The following NAV3 variants were observed in gnomAD, a reference collection of about 807,000 sequenced individuals.
NAV3 encodes pore membrane and/or filament interacting like protein 1.
Under a neutral mutation model 244.7 loss-of-function variants are expected in NAV3, and 87 were observed. The observed-to-expected ratio is 0.36, with a 90% CI of 0.30 to 0.42. The LOEUF is 0.42. Ranked by LOEUF, NAV3 falls within the 20% of genes least tolerant of loss-of-function variation. NAV3 has a pLI of 1.00. For missense variants in NAV3, 2,663 were observed against 2,893.3 expected (o/e 0.92, Z 1.83); for synonymous variants, 1,126 against 1,042.2 (o/e 1.08, Z -1.55).
intron 1 of NAV3, among the ~76,000 whole-genome samples, chr12:77,857,801 T>C (rs1878619208): frequency 6.6e-6 from 1 of 151,910 alleles, no homozygotes; most frequent in African/African-American, 2.4e-5. Flanking sequence ...ATTATACAGA[T>C]TAAAATGGGT....
intron 3 of NAV3, among the ~76,000 whole-genome samples, chr12:77,942,952 G>A (rs11107504): frequency 0.11 from 17,218 of 152,158 alleles, 1,312 homozygotes; most frequent in South Asian, 0.16. Context: ...TTACCATGAG[G>A]AGGTGTTGAA....
At chr12:78,154,952 A>C (rs978376262) in intron 22 of NAV3, among the ~76,000 whole-genome samples, 13 of 152,040 alleles carry the variant, frequency 8.6e-5, no homozygotes, top group Non-Finnish European at 1.5e-4. Context: ...GCCTCTCATA[A>C]CTTCTAAAGT....
chr12:77,956,358 T>C (rs1279082936), intron 3 of NAV3, among the ~76,000 whole-genome samples: 1 of 152,136 alleles, frequency 6.6e-6, no homozygotes, highest in African/African-American at 2.4e-5. Flanking sequence ...ATATCCAAAG[T>C]TAGGATTGGT....
intron 2 of NAV3, among the ~76,000 whole-genome samples, chr12:77,581,222 T>C (rs1485856734): frequency 2.0e-5 from 3 of 152,210 alleles, no homozygotes. Context: ...CCCACATCTA[T>C]TGCTTTTTTT....
chr12:78,142,904 G>A (rs1011065994), intron 20 of NAV3, among the ~76,000 whole-genome samples: 1 of 151,894 alleles, frequency 6.6e-6, no homozygotes, highest in Admixed American at 6.6e-5. Context: ...AAAGTAAACT[G>A]TAGTAAAATA....
chr12:77,894,276 TA>T (rs1884306953), intron 1 of NAV3, among the ~76,000 whole-genome samples: 1 of 151,962 alleles, frequency 6.6e-6, no homozygotes. Flanking sequence ...ATCCCCAAAA[TA>T]AGATTACAAA....
chr12:78,040,218 A>G (rs1566048924), intron 9 of NAV3, among the ~76,000 whole-genome samples: 1 of 152,058 alleles, frequency 6.6e-6, no homozygotes, highest in Non-Finnish European at 1.5e-5. Flanking sequence ...ACTGCAATAA[A>G]TTTTCTTTGG....
At chr12:77,982,611 C>T (rs1869777872) in intron 5 of NAV3, among the ~76,000 whole-genome samples, 1 of 152,162 alleles carries the variant, frequency 6.6e-6, no homozygotes, top group Non-Finnish European at 1.5e-5. Context: ...TCTATTGCTG[C>T]TTTACAAAAG....
At chr12:77,717,789 C>G (rs1183082487) in intron 2 of NAV3, among the ~76,000 whole-genome samples, 1 of 151,754 alleles carries the variant, frequency 6.6e-6, no homozygotes, top group East Asian at 1.9e-4. Context: ...TAACACCTAC[C>G]CAAACAAGTG....
intron 12 of NAV3, among the ~76,000 whole-genome samples, chr12:78,067,403 C>T (rs952259693): frequency 7.2e-5 from 11 of 152,028 alleles, no homozygotes; most frequent in South Asian, 2.1e-4. Context: ...ATAATAGGGA[C>T]GTGGAAAAAC....
At chr12:78,079,759 G>A (rs1953252018) in intron 12 of NAV3, among the ~76,000 whole-genome samples, 1 of 152,156 alleles carries the variant, frequency 6.6e-6, no homozygotes, top group African/African-American at 2.4e-5. Context: ...CATCTCCAAA[G>A]AGAACACTGT....
rs1565971232 is a variant in NAV3, at chr12:77,968,718, A to AG, written c.671+19dup. On this transcript the variant is annotated intron_variant, in intron 5 of 39. Transcript: ENST00000397909. ...TGCAGTCCAGGTAAGGAAAGGAAGT[A>AG]GGGAATGTGTTTCCAATTAGTTTGT... 3 of 1,603,990 alleles carry AG rather than the reference A, an allele frequency of 1.9e-6. No individual in the cohort carries two copies. In the South Asian group the frequency reaches 3.3e-5, roughly 18 times the overall value.
At chr12:77,983,149 A>G (rs1425792573) in intron 5 of NAV3, among the ~76,000 whole-genome samples, 1 of 152,224 alleles carries the variant, frequency 6.6e-6, no homozygotes, top group Non-Finnish European at 1.5e-5. Context: ...CTAAATGTAA[A>G]GTAAAATTGC....
At chr12:77,962,308 A>G (rs1332893452) in intron 3 of NAV3, among the ~76,000 whole-genome samples, 1 of 152,046 alleles carries the variant, frequency 6.6e-6, no homozygotes, top group African/African-American at 2.4e-5. Context: ...CAACCTCTCA[A>G]TTGAACTCCA....
chr12:78,162,776 C>G (rs994503758), intron 23 of NAV3, among the ~76,000 whole-genome samples: 3 of 149,846 alleles, frequency 2.0e-5, no homozygotes, highest in Admixed American at 1.3e-4. Context: ...GCAGGAGAAT[C>G]ACTTGAACCT....
rs765212000 is a variant in NAV3, at chr12:78,122,248, C to T, written c.4058C>T (p.Ser1353Phe). ...GLVWAANMSSSSAGSKDTPSY... is the reference protein window; with the variant it reads ...GLVWAANMSSFSAGSKDTPSY... ...GTGTGGGCTGCCAATATGAGCAGTT[C>T]CTCTGCAGGCAGCAAGGATACTCCG... The change falls in exon 16 of 40, where the codon TCC (serine) becomes TTC (phenylalanine). Residue 1353 changes from serine to phenylalanine, a missense_variant. Physicochemically the swap from Ser to Phe is radical, Grantham distance 155 (BLOSUM62 -2). Coordinates refer to ENST00000397909, the MANE Select transcript of NAV3 (RefSeq NM_001024383.2). The T allele has an allele frequency of 1.2e-6, 2 of 1,614,158 alleles. No homozygotes were observed. The highest frequency in any genetic ancestry group is 4.5e-5 in the East Asian group (2 of 44,860).
intron 1 of NAV3, among the ~76,000 whole-genome samples, chr12:77,908,545 A>G (rs527246623): frequency 6.6e-6 from 1 of 152,186 alleles, no homozygotes; most frequent in East Asian, 1.9e-4. Flanking sequence ...GTTATTCTTT[A>G]GCTTCCAGTG....
intron 8 of NAV3, among the ~76,000 whole-genome samples, chr12:78,013,564 T>C (rs1403995830): frequency 6.6e-6 from 1 of 152,052 alleles, no homozygotes; most frequent in Non-Finnish European, 1.5e-5. Flanking sequence ...ACATTGAAGA[T>C]TGATTGGAGC....
chr12:78,015,571 A>G (rs181295346), intron 8 of NAV3, among the ~76,000 whole-genome samples: 1 of 152,188 alleles, frequency 6.6e-6, no homozygotes, highest in African/African-American at 2.4e-5. Context: ...CATGATATGA[A>G]TATCAATATC....
Sources: allele counts gnomAD v4.1 joint callset (sites outside exome capture counted in the v4.1 genomes callset), GRCh38; gene constraint gnomAD v4.1.1; transcripts MANE v1.5; gene names NCBI Gene and HGNC (gene_info 2026-07-23, HGNC 2026-07-21).